The following BTBD9 variants were observed in gnomAD, a reference collection of about 807,000 sequenced individuals.
The protein encoded by BTBD9 is BTB/POZ domain-containing protein 9.
BTBD9 carries 49 observed loss-of-function variants against 64.3 expected under a neutral mutation model. The ratio of observed to expected loss-of-function variants is 0.76; its 90% CI spans 0.61 to 0.97. The LOEUF is 0.97. Ranked by LOEUF, BTBD9 falls within the 50% of genes least tolerant of loss-of-function variation. The pLI is 0.00. For missense variants in BTBD9, 598 were observed against 762.1 expected, an observed-to-expected ratio of 0.78 and a Z score of 2.53; for synonymous variants, 260 against 274.7, an observed-to-expected ratio of 0.95 and a Z score of 0.53.
chr6:38,551,442 C>G (rs1774798294), intron 6 of BTBD9, among the ~76,000 whole-genome samples: 1 of 152,144 alleles, frequency 6.6e-6, no homozygotes, highest in African/African-American at 2.4e-5. Context: ...AGGCCGGGAT[C>G]TAACACTTAC....
At chr6:38,257,998 T>C (rs892904816) in intron 8 of BTBD9, among the ~76,000 whole-genome samples, 3 of 151,960 alleles carry the variant, frequency 2.0e-5, no homozygotes, top group African/African-American at 7.3e-5. Flanking sequence ...TGTATATATA[T>C]ATTTTGAGAT....
intron 6 of BTBD9, among the ~76,000 whole-genome samples, chr6:38,496,549 T>C (rs749870931): frequency 2.6e-5 from 4 of 151,094 alleles, no homozygotes; most frequent in Non-Finnish European, 4.4e-5. Flanking sequence ...CTCAGGAGGC[T>C]GGGGCAGGAG....
At position 38,170,887 on chromosome 6, in the gene BTBD9, C is replaced by T. The variant is rs982966164; in HGVS notation, c.*4098G>A. The T allele has an allele frequency of 6.6e-5, 10 of 152,362 alleles. No individual in the cohort carries two copies. Among genetic ancestry groups the T allele is most frequent in the East Asian group, 3.9e-4 (2 of 5,186 alleles). The allele number at this position is 152,362 out of a possible 1,614,324, so 9.4% of individuals were successfully genotyped here. ...AGACCTGCCCTGCCCGGGCCGTGCC[C>T]GACCTGGGCATCGCTCGGAGGAGCT... is the stretch of plus-strand genomic sequence containing the variant. On this transcript the variant is annotated 3_prime_UTR_variant, in exon 11 of 11. Coordinates refer to ENST00000481247, the MANE Select transcript of BTBD9 (RefSeq NM_001099272.2).
At position 38,622,272 on chromosome 6, in the gene BTBD9, C is replaced by T. The variant is rs137879317; in HGVS notation, c.-28+17528G>A. Among the ~76,000 whole-genome samples the T allele has an allele frequency of 1.6e-4, 25 of 152,344 alleles. No homozygotes were observed. In the East Asian group the frequency reaches 1.9e-3, roughly 12 times the overall value. On this transcript the variant is annotated intron_variant, in intron 1 of 10. Transcript: ENST00000481247. Reference sequence around the variant, plus strand: ...TGGCAGTTAGACTTCTCCCATATGCCTAAGTCAAGGGGATTTCAATACTAT... The same window carrying T: ...TGGCAGTTAGACTTCTCCCATATGCTTAAGTCAAGGGGATTTCAATACTAT...
At chr6:38,215,029 A>G (rs1016707745) in intron 9 of BTBD9, among the ~76,000 whole-genome samples, 3 of 152,210 alleles carry the variant, frequency 2.0e-5, no homozygotes, top group Non-Finnish European at 4.4e-5. Context: ...CTGAAGCTAC[A>G]TCAGCTGATT....
At chr6:38,368,615 G>A (rs60308155) in intron 6 of BTBD9, among the ~76,000 whole-genome samples, 1 of 152,124 alleles carries the variant, frequency 6.6e-6, no homozygotes, top group African/African-American at 2.4e-5. Flanking sequence ...TTACAGGTGT[G>A]AGCCACCATG....
chr6:38,266,950 C>T lies in BTBD9; in HGVS notation c.1455-10434G>A, dbSNP rs927524225. 5.3e-5 allele frequency among the ~76,000 whole-genome samples: 8 copies of T among 152,314 alleles called. No individual in the cohort carries two copies. The South Asian group carries it at 1.0e-3, about 20-fold the overall frequency. ...TATGCAGCTTTTACGGATCTTCCCC[C>T]GTGTTTAAATTTGGCATCACCAATT... is the stretch of plus-strand genomic sequence containing the variant. On this transcript the variant is annotated intron_variant, in intron 8 of 10. Coordinates refer to ENST00000481247, the MANE Select transcript of BTBD9 (RefSeq NM_001099272.2).
chr6:38,617,883 G>T (rs1460100066), intron 1 of BTBD9, among the ~76,000 whole-genome samples: 1 of 152,060 alleles, frequency 6.6e-6, no homozygotes. Flanking sequence ...ATCCGTAAGG[G>T]CTACTAAATC....
chr6:38,540,281 T>C (rs760906873), intron 6 of BTBD9, among the ~76,000 whole-genome samples: 3 of 151,812 alleles, frequency 2.0e-5, no homozygotes, highest in Admixed American at 6.6e-5. Context: ...ATCATTGGCA[T>C]GTAATAAGTG....
intron 9 of BTBD9, among the ~76,000 whole-genome samples, chr6:38,230,151 G>A (rs1763546495): frequency 6.6e-6 from 1 of 152,022 alleles, no homozygotes; most frequent in Non-Finnish European, 1.5e-5. Flanking sequence ...TCCATATTTA[G>A]CCCCCTTCTG....
intron 1 of BTBD9, among the ~76,000 whole-genome samples, chr6:38,630,938 T>C (rs566408722): frequency 7.2e-5 from 11 of 152,318 alleles, no homozygotes; most frequent in African/African-American, 1.7e-4. Flanking sequence ...CATATGGAAA[T>C]TGAAACACGT....
At position 38,281,445 on chromosome 6, in the gene BTBD9, A is replaced by AT. The variant is rs1228041823; in HGVS notation, c.1454+6826dup. Among the ~76,000 whole-genome samples the AT allele has an allele frequency of 3.9e-5, 6 of 152,274 alleles. No individual in the cohort carries two copies. The East Asian group carries it at 7.7e-4, about 20-fold the overall frequency. ...CATATGTAATTCTTTTATTATTATT[A>AT]TTTTTTTAGGATCAACTTGCTATTA... On this transcript the variant is annotated intron_variant, in intron 8 of 10. Coordinates refer to ENST00000481247, the MANE Select transcript of BTBD9 (RefSeq NM_001099272.2).
At chr6:38,220,334 T>C (rs1358014639) in intron 9 of BTBD9, among the ~76,000 whole-genome samples, 1 of 152,268 alleles carries the variant, frequency 6.6e-6, no homozygotes, top group Non-Finnish European at 1.5e-5. Context: ...TTGGCTTTCT[T>C]TGAATAAGCT....
chr6:38,298,701 T>C (rs1010249565), intron 7 of BTBD9, among the ~76,000 whole-genome samples: 1 of 152,168 alleles, frequency 6.6e-6, no homozygotes, highest in Non-Finnish European at 1.5e-5. Flanking sequence ...CTCTGATGCC[T>C]ATTTCTTTAC....
At chr6:38,364,677 T>C (rs888742656) in intron 6 of BTBD9, among the ~76,000 whole-genome samples, 2 of 152,154 alleles carry the variant, frequency 1.3e-5, no homozygotes, top group African/African-American at 4.8e-5. Flanking sequence ...TCACAACAAA[T>C]AGTAGTCAAA....
At position 38,465,706 on chromosome 6, in the gene BTBD9, AT is replaced by A. The variant is rs1372437843; in HGVS notation, c.1154+111893del. Reference sequence around the variant, plus strand: ...CATCTCTAAATAAATAAATAAATAAATTATATATATATATATATATATATAT... The same window carrying A: ...CATCTCTAAATAAATAAATAAATAAATATATATATATATATATATATATAT... On this transcript the variant is annotated intron_variant, in intron 6 of 10. Coordinates refer to ENST00000481247, the MANE Select transcript of BTBD9 (RefSeq NM_001099272.2). Among the ~76,000 whole-genome samples the A allele has an allele frequency of 1.5e-4, 9 of 60,398 alleles. 1 individual carries two copies. Among genetic ancestry groups the A allele is most frequent in the East Asian group, 3.7e-4 (1 of 2,702 alleles). The allele number at this position is 60,398 out of a possible 152,430, so 39.6% of individuals were successfully genotyped here. A position where few individuals can be genotyped will look rare whatever the true frequency, so the allele number is the denominator to read the frequency against.
rs1764986797 is a variant in BTBD9 at position 38,266,605 on chromosome 6, G to GGAAAGAAAGGAA, written c.1455-10090_1455-10089insTTCCTTTCTTTC. Among the ~76,000 whole-genome samples, 4 of 107,192 alleles carry GGAAAGAAAGGAA rather than the reference G, an allele frequency of 3.7e-5. No homozygotes were observed. In the East Asian group the frequency reaches 1.2e-3, roughly 31 times the overall value. The allele number at this position is 107,192 out of a possible 152,430, so 70.3% of individuals were successfully genotyped here. On this transcript the variant is annotated intron_variant, in intron 8 of 10. Transcript: ENST00000481247. ...AAAGAAAGGAAAGAAAGGAAAGAAA[G>GGAAAGAAAGGAA]GAAAGAAAGAAAGAAAGAAAGAAAG...
chr6:38,443,213 T>A (rs2127319173), intron 6 of BTBD9, among the ~76,000 whole-genome samples: 1 of 152,246 alleles, frequency 6.6e-6, no homozygotes, highest in Admixed American at 6.5e-5. Context: ...GTGAGGGGAA[T>A]CAACAGAGAC....
intron 6 of BTBD9, among the ~76,000 whole-genome samples, chr6:38,460,955 C>T (rs1398807453): frequency 2.0e-5 from 3 of 152,118 alleles, no homozygotes; most frequent in African/African-American, 7.2e-5. Flanking sequence ...GGCTGGATAA[C>T]TTAGTAATTA....
Sources: gnomAD v4.1 joint callset for allele counts (sites outside exome capture counted in the v4.1 genomes callset) on GRCh38, gnomAD v4.1.1 for gene constraint, MANE v1.5 for transcripts, NCBI Gene and HGNC (gene_info 2026-07-23, HGNC 2026-07-21) for gene names.